The following CABLES1 variants were observed in gnomAD, a reference collection of about 807,000 sequenced individuals.
CABLES1 encodes CDK5 and ABL1 enzyme substrate 1.
Under a neutral mutation model 57.8 loss-of-function variants are expected in CABLES1, and 36 were observed. The observed-to-expected ratio is 0.62, with a 90% CI of 0.48 to 0.82. CABLES1 has a LOEUF of 0.82. Among genes scored for constraint, CABLES1 ranks in the 40% least tolerant of loss-of-function variants. CABLES1 has a pLI of 0.00. For synonymous variants in CABLES1, 374 were observed against 363.0 expected, an observed-to-expected ratio of 1.03 and a Z score of -0.35; for missense variants, 767 against 836.6, an observed-to-expected ratio of 0.92 and a Z score of 1.03.
chr18:23,246,887 T>C (rs2047908909), intron 7 of CABLES1, among the ~76,000 whole-genome samples: 1 of 152,048 alleles, frequency 6.6e-6, no homozygotes, highest in African/African-American at 2.4e-5. Flanking sequence ...GAGACGGGGT[T>C]TTACCATGTT....
chr18:23,140,708 G>C lies in CABLES1; in HGVS notation c.845+4101G>C, dbSNP rs959469745. ...CTACCTCGGCCTCCCAAAGTGCTGG[G>C]ATTGTAGGTGTGAGCCACCGCGCCC... is the stretch of plus-strand genomic sequence containing the variant. On this transcript the variant is annotated intron_variant, in intron 1 of 9. Coordinates refer to ENST00000256925, the MANE Select transcript of CABLES1 (RefSeq NM_001100619.3). 6.6e-5 allele frequency among the ~76,000 whole-genome samples: 10 copies of C among 152,284 alleles called. No homozygotes were observed. In the South Asian group the frequency reaches 1.0e-3, roughly 16 times the overall value.
In CABLES1 at chr18:23,182,077, C is replaced by T. The variant is rs140592623; in HGVS notation, c.846-6761C>T. ...ACACTAGAGCCATTAAGGAAATTGC[C>T]TTTTTTGTGAGTAGAGAGGTGGTTG... is the stretch of plus-strand genomic sequence containing the variant. On this transcript the variant is annotated intron_variant, in intron 1 of 9. Coordinates refer to ENST00000256925, the MANE Select transcript of CABLES1 (RefSeq NM_001100619.3). Among the ~76,000 whole-genome samples, 411 of 152,260 alleles carry T rather than the reference C, an allele frequency of 2.7e-3. 2 individuals are homozygous for T. Among genetic ancestry groups the T allele is most frequent in the African/African-American group, 9.7e-3 (401 of 41,544 alleles).
chr18:23,200,936 C>CGTTATCTCCTGCAGCCA (rs1358768362), intron 3 of CABLES1, among the ~76,000 whole-genome samples: 2 of 152,164 alleles, frequency 1.3e-5, no homozygotes, highest in African/African-American at 4.8e-5. Context: ...TTCCCGCCAG[C>CGTTATCTCCTGCAGCCA]GTTATCTCCT....
intron 7 of CABLES1, among the ~76,000 whole-genome samples, chr18:23,241,761 G>A (rs1364311406): frequency 7.2e-5 from 11 of 152,144 alleles, no homozygotes; most frequent in Non-Finnish European, 1.3e-4. Context: ...ATCTTTGTGC[G>A]TGTGTGTCCT....
intron 4 of CABLES1, among the ~76,000 whole-genome samples, chr18:23,224,395 G>T (rs2047511830): frequency 6.6e-6 from 1 of 151,962 alleles, no homozygotes; most frequent in Admixed American, 6.6e-5. Flanking sequence ...CCTCAGTCCT[G>T]GGAAATGAAC....
intron 1 of CABLES1, among the ~76,000 whole-genome samples, chr18:23,150,131 G>A (rs559642348): frequency 6.6e-6 from 1 of 151,668 alleles, no homozygotes; most frequent in African/African-American, 2.4e-5. Flanking sequence ...CTTGTGTCTG[G>A]GGTATATGTT....
chr18:23,172,811 G>A (rs1452990932), intron 1 of CABLES1, among the ~76,000 whole-genome samples: 1 of 152,152 alleles, frequency 6.6e-6, no homozygotes, highest in East Asian at 1.9e-4. Flanking sequence ...TTAAGAATAC[G>A]GTGAGGCAGA....
intron 4 of CABLES1, among the ~76,000 whole-genome samples, chr18:23,233,299 G>T (rs1411629239): frequency 1.3e-5 from 2 of 152,176 alleles, no homozygotes; most frequent in Non-Finnish European, 2.9e-5. Flanking sequence ...CGTAGGGGAA[G>T]GGTGTGGTCC....
upstream of CABLES1, among the ~76,000 whole-genome samples, chr18:23,135,025 G>T (rs1364548751): frequency 6.6e-6 from 1 of 152,140 alleles, no homozygotes; most frequent in Non-Finnish European, 1.5e-5. Context: ...CGGCCTTGCG[G>T]GGTCCAAGTA....
At chr18:23,226,289 C>G (rs1202316091) in intron 4 of CABLES1, among the ~76,000 whole-genome samples, 16 of 151,976 alleles carry the variant, frequency 1.1e-4, no homozygotes, top group Admixed American at 9.8e-4. Context: ...GTAGTCCCAG[C>G]TACTCGGGAG....
intron 4 of CABLES1, among the ~76,000 whole-genome samples, chr18:23,232,295 G>A (rs557522215): frequency 1.3e-5 from 2 of 152,300 alleles, no homozygotes; most frequent in South Asian, 2.1e-4. Flanking sequence ...TTGGGAGTTG[G>A]GAATTTGAAG....
At chr18:23,231,587 G>A (rs1289605415) in intron 4 of CABLES1, among the ~76,000 whole-genome samples, 2 of 152,174 alleles carry the variant, frequency 1.3e-5, no homozygotes, top group African/African-American at 2.4e-5. Context: ...GTTATTTCTC[G>A]AGGGACCAGT....
chr18:23,208,009 C>A (rs749749354), intron 3 of CABLES1, among the ~76,000 whole-genome samples: 1 of 152,194 alleles, frequency 6.6e-6, no homozygotes. Flanking sequence ...ATGCCCTGTG[C>A]AGCTCCACAC....
At position 23,136,287 on chromosome 18, in the gene CABLES1, G is replaced by A; in HGVS notation, c.525G>A (p.Ala175=). The A allele has an allele frequency of 5.8e-6, 8 of 1,372,914 alleles. No homozygotes were observed. Among genetic ancestry groups the A allele is most frequent in the Non-Finnish European group, 5.6e-6 (6 of 1,069,388 alleles). The allele number at this position is 1,372,914 out of a possible 1,614,324, so 85.0% of individuals were successfully genotyped here. The part of the protein sequence containing the change: ...GFASPLGAGR[A]SGEQWQPPRP... ...CGAGTCCCCTGGGCGCCGGCCGGGC[G>A]TCGGGGGAGCAGTGGCAGCCGCCCC... is the stretch of plus-strand genomic sequence containing the variant. The change falls in exon 1 of 10, where the codon GCG becomes GCA. Residue 175 remains alanine (A), a synonymous_variant. Transcript: ENST00000256925.
intron 1 of CABLES1, among the ~76,000 whole-genome samples, chr18:23,148,806 C>T (rs193298894): frequency 3.9e-5 from 6 of 152,158 alleles, no homozygotes; most frequent in Admixed American, 2.0e-4. Context: ...CAGAGGAAAA[C>T]GGGAAGACTT....
intron 1 of CABLES1, among the ~76,000 whole-genome samples, chr18:23,138,253 A>G (rs1256323705): frequency 6.6e-6 from 1 of 152,218 alleles, no homozygotes; most frequent in Non-Finnish European, 1.5e-5. Context: ...TTCAGGGGAT[A>G]TGGAAGATCT....
chr18:23,227,317 C>G (rs997821337), intron 4 of CABLES1, among the ~76,000 whole-genome samples: 1 of 152,172 alleles, frequency 6.6e-6, no homozygotes. Flanking sequence ...GTGTTTCTTT[C>G]CTCACACCAA....
At chr18:23,255,259 G>C (rs1479131473) in intron 9 of CABLES1, among the ~76,000 whole-genome samples, 1 of 152,106 alleles carries the variant, frequency 6.6e-6, no homozygotes, top group East Asian at 1.9e-4. Context: ...GAGTCAGCAA[G>C]GCCCCAGATA....
chr18:23,142,318 A>G (rs1433073159), intron 1 of CABLES1, among the ~76,000 whole-genome samples: 1 of 152,162 alleles, frequency 6.6e-6, no homozygotes, highest in Non-Finnish European at 1.5e-5. Flanking sequence ...AGGCACGGGC[A>G]ATATCGCAGC....
Sources: allele counts gnomAD v4.1 joint callset (sites outside exome capture counted in the v4.1 genomes callset), GRCh38; gene constraint gnomAD v4.1.1; transcripts MANE v1.5; gene names NCBI Gene and HGNC (gene_info 2026-07-23, HGNC 2026-07-21).